DENND10: variants seen among roughly 807,000 people sequenced by gnomAD.
The protein encoded by DENND10 is DENN domain-containing protein 10.
In DENND10, 24 loss-of-function variants were observed where a neutral mutation model predicts 43.6. The ratio of observed to expected loss-of-function variants is 0.55; its 90% CI spans 0.40 to 0.77. DENND10 has a LOEUF of 0.77. DENND10 is among the 30% of genes least tolerant of loss of function. The pLI, the probability that DENND10 is intolerant of heterozygous loss-of-function variation, is 0.00. For missense variants in DENND10, 303 were observed against 429.9 expected (o/e 0.70, Z 2.61); for synonymous variants, 125 against 157.6 (o/e 0.79, Z 1.55).
At chr10:119,122,218 G>C (rs903541607) in intron 5 of DENND10, among the ~76,000 whole-genome samples, 1 of 152,200 alleles carries the variant, frequency 6.6e-6, no homozygotes, top group African/African-American at 2.4e-5. Context: ...TGAGGTGGGA[G>C]AATCGCTTGA....
chr10:119,132,433 T>C lies in DENND10; in HGVS notation c.803-82T>C, dbSNP rs1390890005. Reference sequence around the variant, plus strand: ...AGCTGCTTTTTGAAAATTCCCTCAGTGTGGTCTTCCAAGTTTTCAGATAGA... The same window carrying C: ...AGCTGCTTTTTGAAAATTCCCTCAGCGTGGTCTTCCAAGTTTTCAGATAGA... On this transcript the variant is annotated intron_variant, in intron 7 of 8. Transcript: ENST00000361432. The surrounding 1 kb of genome is among the most constrained non-coding windows in gnomAD (Gnocchi z 4.2). The C allele has an allele frequency of 2.7e-6, 3 of 1,123,960 alleles. No individual in the cohort carries two copies. The African/African-American group carries it at 4.6e-5, about 17-fold the overall frequency. 69.6% of individuals were successfully genotyped at this position (1,123,960 alleles called of 1,614,324 possible).
intron 2 of DENND10, 33 bp downstream of exon 2, chr10:119,108,197 A>C: frequency 6.6e-7 from 1 of 1,522,902 alleles, no homozygotes; most frequent in Non-Finnish European, 9.1e-7. Context: ...AAAAAACCCC[A>C]AAATAGGCTG....
intron 2 of DENND10, among the ~76,000 whole-genome samples, chr10:119,111,247 G>A (rs1050218955): frequency 6.1e-5 from 8 of 130,444 alleles, no homozygotes; most frequent in African/African-American, 9.0e-5. Context: ...CAGCCTGGGC[G>A]ACAGAGCAAA....
intron 1 of DENND10, among the ~76,000 whole-genome samples, chr10:119,107,451 T>C (rs1844749701): frequency 6.6e-6 from 1 of 151,614 alleles, no homozygotes; most frequent in Non-Finnish European, 1.5e-5. Context: ...TTGCCCAGGC[T>C]AGAGTGCAGT....
rs970553879 is a variant in DENND10, at chr10:119,137,771, C to T, written c.*1124C>T. 1.1e-4 allele frequency: 19 copies of T among 165,758 alleles called. No individual in the cohort carries two copies. Among genetic ancestry groups the T allele is most frequent in the Non-Finnish European group, 2.4e-4 (16 of 67,918 alleles). The allele number at this position is 165,758 out of a possible 1,614,324, so 10.3% of individuals were successfully genotyped here. A position where few individuals can be genotyped will look rare whatever the true frequency, so the allele number is the denominator to read the frequency against. The stretch of plus-strand genomic sequence containing the variant: ...TATTTGTTCAATAAAAATTAAACAC[C>T]CTCCCTTTTTTTTGAGTGAGGGCAG... On this transcript the variant is annotated 3_prime_UTR_variant, in exon 9 of 9. Coordinates refer to ENST00000361432, the MANE Select transcript of DENND10 (RefSeq NM_207009.4).
At position 119,110,814 on chromosome 10, in the gene DENND10, G is replaced by C. The variant is rs540979340; in HGVS notation, c.253-1035G>C. On this transcript the variant is annotated intron_variant, in intron 2 of 8. Transcript: ENST00000361432. ...CACCCTGCAGAGAGTTAGTTCAGGA[G>C]CTGTATGGTTGTTACTGAGATGTAT... Among the ~76,000 whole-genome samples the C allele has an allele frequency of 2.0e-5, 3 of 152,248 alleles. No individual in the cohort carries two copies. In the South Asian group the frequency reaches 6.2e-4, roughly 32 times the overall value.
chr10:119,129,745 C>A, intron 7 of DENND10, 123 bp downstream of exon 7: 1 of 681,160 alleles, frequency 1.5e-6, no homozygotes. Context: ...TGGATATTTC[C>A]GTGTCTAGAA....
Position 119,112,037 on chromosome 10 carries a change from A to G in DENND10, c.332+109A>G. Reference sequence around the variant, plus strand: ...GCAAAGTTCAGCCTTGTGTCTCCCCAGCATAATCTTTAGTAGCCCTTCACA... The same window carrying G: ...GCAAAGTTCAGCCTTGTGTCTCCCCGGCATAATCTTTAGTAGCCCTTCACA... On this transcript the variant is annotated intron_variant, in intron 3 of 8. Transcript: ENST00000361432. 3 of 806,298 alleles carry G rather than the reference A, an allele frequency of 3.7e-6. No individual in the cohort carries two copies. In the South Asian group the frequency reaches 4.6e-5, roughly 12 times the overall value. 49.9% of individuals were successfully genotyped at this position (806,298 alleles called of 1,614,324 possible).
At chr10:119,135,527 A>T (rs184356215) in intron 8 of DENND10, among the ~76,000 whole-genome samples, 1 of 152,316 alleles carries the variant, frequency 6.6e-6, no homozygotes, top group Admixed American at 6.5e-5. Flanking sequence ...CCTTGAAACC[A>T]TGCTAATGAA....
chr10:119,112,024 CT>C (rs1845000579), intron 3 of DENND10, 96 bp downstream of exon 3: 4 of 881,106 alleles, frequency 4.5e-6, no homozygotes, highest in Non-Finnish European at 7.5e-6. Context: ...AAAGTTCAGC[CT>C]TGTGTCTCCC....
At position 119,136,512 on chromosome 10, in the gene DENND10, A is replaced by G; in HGVS notation, c.939A>G (p.Ala313=). 1 of 1,600,560 alleles carries G rather than the reference A, an allele frequency of 6.2e-7. No homozygotes were observed. The highest frequency in any genetic ancestry group is 8.5e-7 in the Non-Finnish European group (1 of 1,176,784). Residue 313 remains alanine (A), a synonymous_variant, in exon 9 of 9, where the codon GCA becomes GCG. Coordinates refer to ENST00000361432, the MANE Select transcript of DENND10 (RefSeq NM_207009.4). Reference sequence around the variant, plus strand: ...CAAGAGAAATCTTTACCAACCTAGCACCGTTTTCAGAAGTTTCGGCTGATG... The same window carrying G: ...CAAGAGAAATCTTTACCAACCTAGCGCCGTTTTCAGAAGTTTCGGCTGATG... ...LKTREIFTNL[A]PFSEVSADGE... is the part of the protein sequence containing the mutation.
In DENND10 at chr10:119,111,933, G is replaced by A; in HGVS notation, c.332+5G>A. The A allele has an allele frequency of 6.3e-7, 1 of 1,595,510 alleles. No individual in the cohort carries two copies. The highest frequency in any genetic ancestry group is 8.6e-7 in the Non-Finnish European group (1 of 1,164,016). On this transcript the variant is annotated splice_donor_5th_base_variant and intron_variant, in intron 3 of 8. Transcript: ENST00000361432. Reference sequence around the variant, plus strand: ...CTTCACTAGGATATTGTGTAGGTCTGTATAAAAATTGTATTAAATGCTAAT... The same window carrying A: ...CTTCACTAGGATATTGTGTAGGTCTATATAAAAATTGTATTAAATGCTAAT...
At position 119,136,868 on chromosome 10, in the gene DENND10, C is replaced by T. The variant is rs367959248; in HGVS notation, c.*221C>T. On this transcript the variant is annotated 3_prime_UTR_variant, in exon 9 of 9. Coordinates refer to ENST00000361432, the MANE Select transcript of DENND10 (RefSeq NM_207009.4). The stretch of plus-strand genomic sequence containing the variant: ...CTTCCTGCCTGCTGTCAGTGCTGGA[C>T]GAAGTGCTATAACTACTTTATGTAA... 5,890 of 431,184 alleles carry T rather than the reference C, an allele frequency of 0.014. 292 individuals carry two copies. Among genetic ancestry groups the T allele is most frequent in the African/African-American group, 0.11 (5,409 of 49,150 alleles). 26.7% of individuals were successfully genotyped at this position (431,184 alleles called of 1,614,324 possible).
rs1243490986 is a variant in DENND10 at position 119,137,882 on chromosome 10, C to A, written c.*1235C>A. The A allele has an allele frequency of 6.1e-6, 1 of 164,562 alleles. No individual in the cohort carries two copies. Among genetic ancestry groups the A allele is most frequent in the African/African-American group, 2.5e-5 (1 of 39,542 alleles). 10.2% of individuals were successfully genotyped at this position (164,562 alleles called of 1,614,324 possible). A position where few individuals can be genotyped will look rare whatever the true frequency, so the allele number is the denominator to read the frequency against. ...TTATGGAAATGAGGAATATTAACAT[C>A]TTTTTTCTCATTTTTTTGTATTACT... is the stretch of plus-strand genomic sequence containing the variant. On this transcript the variant is annotated 3_prime_UTR_variant, in exon 9 of 9. Coordinates refer to ENST00000361432, the MANE Select transcript of DENND10 (RefSeq NM_207009.4).
chr10:119,108,593 T>TGACAG (rs1340749212), intron 2 of DENND10, among the ~76,000 whole-genome samples: 1 of 152,172 alleles, frequency 6.6e-6, no homozygotes, highest in African/African-American at 2.4e-5. Flanking sequence ...GTCTATTATA[T>TGACAG]GACAGACCCT....
intron 8 of DENND10, among the ~76,000 whole-genome samples, chr10:119,136,047 G>A (rs1009764841): frequency 1.5e-4 from 23 of 151,948 alleles, no homozygotes; most frequent in Non-Finnish European, 2.2e-4. Context: ...GTGTGGTGGC[G>A]CATGCCTGTA....
chr10:119,111,764 A>G, intron 2 of DENND10, 85 bp from the exon 3 acceptor site: 1 of 1,065,670 alleles, frequency 9.4e-7, no homozygotes, highest in Non-Finnish European at 1.4e-6. Context: ...TGTGTCTTAT[A>G]CAAAAGGTTT....
intron 4 of DENND10, among the ~76,000 whole-genome samples, chr10:119,118,672 CT>C (rs998497504): frequency 1.9e-4 from 28 of 149,044 alleles, no homozygotes; most frequent in African/African-American, 2.7e-4. Flanking sequence ...AGTTAATAGA[CT>C]TTTTTTTTTC....
chr10:119,120,409 G>A lies in DENND10; in HGVS notation c.550G>A (p.Val184Met). Reference protein sequence around the residue: ...HTALMLKKRIVVYHPKIEAVQ... With the variant: ...HTALMLKKRIMVYHPKIEAVQ... ...AGCACTGATGCTAAAGAAAAGAATTGTGGTGTATCACCCCAAGATAGAAGC... is the reference window on the plus strand; with the variant it reads ...AGCACTGATGCTAAAGAAAAGAATTATGGTGTATCACCCCAAGATAGAAGC... The change falls in exon 5 of 9, where the codon GTG (valine) becomes ATG (methionine). Residue 184 changes from valine (V) to methionine (M), a missense_variant. Coordinates refer to ENST00000361432, the MANE Select transcript of DENND10 (RefSeq NM_207009.4). The A allele has an allele frequency of 6.2e-7, 1 of 1,612,926 alleles. No individual in the cohort carries two copies. The highest frequency in any genetic ancestry group is 8.5e-7 in the Non-Finnish European group (1 of 1,178,956).
Sources: allele counts gnomAD v4.1 joint callset (sites outside exome capture counted in the v4.1 genomes callset), GRCh38; gene constraint gnomAD v4.1.1; non-coding constraint Gnocchi (gnomAD v3.1); transcripts MANE v1.5; gene names NCBI Gene and HGNC (gene_info 2026-07-23, HGNC 2026-07-21).